The following BTRC variants were observed in gnomAD, a reference collection of about 807,000 sequenced individuals.
BTRC encodes F-box/WD repeat-containing protein 1A.
In BTRC, 42 loss-of-function variants were observed where a neutral mutation model predicts 85.5. The ratio of observed to expected loss-of-function variants is 0.49; its 90% confidence interval spans 0.38 to 0.64. BTRC has a LOEUF of 0.64. Among genes scored for constraint, BTRC ranks in the 30% least tolerant of loss-of-function variants. BTRC has a pLI of 0.00. For missense variants in BTRC, 594 were observed against 743.5 expected (o/e 0.80, Z 2.34); for synonymous variants, 255 against 263.3 (o/e 0.97, Z 0.30).
chr10:101,380,507 C>T (rs777310716), intron 1 of BTRC, among the ~76,000 whole-genome samples: 2 of 152,134 alleles, frequency 1.3e-5, no homozygotes, highest in Admixed American at 1.3e-4. Context: ...GTACTCCTCA[C>T]TTCCCAGACG....
At position 101,411,698 on chromosome 10, in the gene BTRC, G is replaced by T. The variant is rs529642664; in HGVS notation, c.49-18647G>T. Among the ~76,000 whole-genome samples, 8 of 146,520 alleles carry T rather than the reference G, an allele frequency of 5.5e-5. No individual in the cohort carries two copies. The East Asian group carries it at 1.6e-3, about 29-fold the overall frequency. On this transcript the variant is annotated intron_variant, in intron 1 of 14. Transcript: ENST00000370187. The stretch of plus-strand genomic sequence containing the variant: ...TATAGCTGTTTTAATTTTTAGGTCT[G>T]CTAATTTCATTGTCAGTTTTTTTCT...
At chr10:101,476,741 A>G (rs1589522427) in intron 3 of BTRC, among the ~76,000 whole-genome samples, 2 of 151,980 alleles carry the variant, frequency 1.3e-5, no homozygotes, top group South Asian at 4.2e-4. Flanking sequence ...ACTGTGCTTG[A>G]ACTTTACTAT....
intron 2 of BTRC, among the ~76,000 whole-genome samples, chr10:101,433,088 C>T (rs1944442559): frequency 6.6e-6 from 1 of 152,108 alleles, no homozygotes; most frequent in African/African-American, 2.4e-5. Context: ...GTTCCAGGGG[C>T]CCAGAGACCG....
At chr10:101,464,949 C>T (rs1484294782) in intron 3 of BTRC, among the ~76,000 whole-genome samples, 5 of 152,040 alleles carry the variant, frequency 3.3e-5, no homozygotes, top group African/African-American at 9.7e-5. Context: ...TCAATAGAAG[C>T]GGGTCACAGG....
chr10:101,385,229 T>C (rs1943035576), intron 1 of BTRC, among the ~76,000 whole-genome samples: 1 of 150,704 alleles, frequency 6.6e-6, no homozygotes, highest in African/African-American at 2.4e-5. Context: ...TAGCCGGGCG[T>C]GGTGGCGGGC....
chr10:101,422,345 G>C (rs1243796179), intron 1 of BTRC, among the ~76,000 whole-genome samples: 1 of 152,028 alleles, frequency 6.6e-6, no homozygotes, highest in Non-Finnish European at 1.5e-5. Context: ...AAATTTGTTT[G>C]AGTTCTTTGT....
intron 1 of BTRC, among the ~76,000 whole-genome samples, chr10:101,379,500 A>G (rs1942876004): frequency 6.6e-6 from 1 of 152,230 alleles, no homozygotes; most frequent in African/African-American, 2.4e-5. Flanking sequence ...AATTCATACT[A>G]AAGGATCAAC....
intron 2 of BTRC, among the ~76,000 whole-genome samples, chr10:101,460,061 TA>T (rs759718816): frequency 6.6e-5 from 10 of 152,032 alleles, no homozygotes; most frequent in Non-Finnish European, 1.3e-4. Context: ...TACACTGAAT[TA>T]AACAGGTTTA....
intron 1 of BTRC, among the ~76,000 whole-genome samples, chr10:101,427,234 C>T (rs1944280911): frequency 6.7e-6 from 1 of 150,088 alleles, no homozygotes; most frequent in African/African-American, 2.5e-5. Context: ...TCTCCTGCCT[C>T]AGCCTCCTGA....
intron 4 of BTRC, among the ~76,000 whole-genome samples, chr10:101,501,187 CAAAA>C (rs61126147): frequency 9.8e-5 from 13 of 132,536 alleles, no homozygotes; most frequent in Non-Finnish European, 1.3e-4. Flanking sequence ...GACTGCGTCT[CAAAA>C]AAAAAAAAAG....
In BTRC at chr10:101,535,912, G is replaced by C. The variant is rs998511100; in HGVS notation, c.1466+440G>C. Among the ~76,000 whole-genome samples the C allele has an allele frequency of 6.6e-5, 10 of 152,256 alleles. No homozygotes were observed. In the South Asian group the frequency reaches 2.1e-3, roughly 32 times the overall value. ...ATGACATAGATATGATTATAATTTG[G>C]AAGATTTATCCATCCTCTCCCTTCA... is the stretch of plus-strand genomic sequence containing the variant. On this transcript the variant is annotated intron_variant, in intron 11 of 14. Coordinates refer to ENST00000370187, the MANE Select transcript of BTRC (RefSeq NM_033637.4).
chr10:101,415,308 T>C (rs1943901571), intron 1 of BTRC, among the ~76,000 whole-genome samples: 1 of 151,690 alleles, frequency 6.6e-6, no homozygotes, highest in Non-Finnish European at 1.5e-5. Flanking sequence ...CCCGAGTAGC[T>C]GGGACTACAG....
At chr10:101,404,774 G>A (rs780171727) in intron 1 of BTRC, among the ~76,000 whole-genome samples, 19 of 152,016 alleles carry the variant, frequency 1.2e-4, no homozygotes, top group Admixed American at 3.9e-4. Flanking sequence ...CGAGGTGGGC[G>A]GATCACGAGG....
intron 1 of BTRC, among the ~76,000 whole-genome samples, chr10:101,404,004 A>T (rs192583175): frequency 1.7e-5 from 1 of 58,206 alleles, no homozygotes; most frequent in Non-Finnish European, 2.8e-5. Flanking sequence ...GTGTGTGTGT[A>T]TATATATATA....
chr10:101,547,757 A>C (rs2062582316), intron 13 of BTRC, among the ~76,000 whole-genome samples: 1 of 152,230 alleles, frequency 6.6e-6, no homozygotes. Flanking sequence ...AAATCTCGAC[A>C]AAATATTAGC....
intron 1 of BTRC, among the ~76,000 whole-genome samples, chr10:101,355,783 T>C (rs1407997649): frequency 6.6e-6 from 1 of 152,218 alleles, no homozygotes; most frequent in Non-Finnish European, 1.5e-5. Context: ...TCAAATTCAC[T>C]AAAACTTTAT....
intron 4 of BTRC, among the ~76,000 whole-genome samples, chr10:101,507,403 C>G (rs1946570417): frequency 6.6e-6 from 1 of 152,220 alleles, no homozygotes; most frequent in South Asian, 2.1e-4. Flanking sequence ...AGCCATCGAT[C>G]AAGTTCACAA....
chr10:101,374,706 G>A (rs1269642883), intron 1 of BTRC, among the ~76,000 whole-genome samples: 1 of 150,130 alleles, frequency 6.7e-6, no homozygotes, highest in Non-Finnish European at 1.5e-5. Context: ...TGGGTGCAGT[G>A]CACCAGCATG....
chr10:101,445,531 C>T (rs932685526), intron 2 of BTRC, among the ~76,000 whole-genome samples: 4 of 152,168 alleles, frequency 2.6e-5, no homozygotes, highest in East Asian at 1.9e-4. Context: ...TCACTTCACC[C>T]GCCTGAAACT....
Sources: allele counts gnomAD v4.1 joint callset (sites outside exome capture counted in the v4.1 genomes callset), GRCh38; gene constraint gnomAD v4.1.1; transcripts MANE v1.5; gene names NCBI Gene and HGNC (gene_info 2026-07-23, HGNC 2026-07-21).